The following CYFIP1 variants were observed in gnomAD, a reference collection of about 807,000 sequenced individuals.
CYFIP1 encodes the protein cytoplasmic FMR1 interacting protein 1.
Under a neutral mutation model 163.5 loss-of-function variants are expected in CYFIP1, and 58 were observed. The observed-to-expected ratio is 0.35, with a 90% CI of 0.29 to 0.44. CYFIP1 has a LOEUF of 0.44. CYFIP1 is among the 20% of genes least tolerant of loss of function. CYFIP1 has a pLI of 1.00. For missense variants in CYFIP1, 1,338 were observed against 1,653.8 expected (o/e 0.81, Z 3.31); for synonymous variants, 663 against 660.7 (o/e 1.00, Z -0.05).
intron 13 of CYFIP1, among the ~76,000 whole-genome samples, chr15:22,919,230 T>C (rs2061099140): frequency 1.3e-5 from 2 of 152,152 alleles, no homozygotes; most frequent in Non-Finnish European, 2.9e-5. Flanking sequence ...CCAAATCCCA[T>C]ATTGTTCACA....
At chr15:22,935,591 T>C (rs371011788) in intron 9 of CYFIP1, among the ~76,000 whole-genome samples, 9 of 152,152 alleles carry the variant, frequency 5.9e-5, no homozygotes, top group African/African-American at 1.4e-4. Flanking sequence ...GTTCAGCAAA[T>C]GACACCATCG....
intron 22 of CYFIP1, among the ~76,000 whole-genome samples, chr15:22,901,672 C>T (rs983723736): frequency 2.6e-5 from 4 of 152,250 alleles, no homozygotes; most frequent in African/African-American, 9.6e-5. Flanking sequence ...CCACACGTAG[C>T]TCACTAACCG....
chr15:22,901,767 G>C (rs1477440508), intron 22 of CYFIP1, among the ~76,000 whole-genome samples: 1 of 152,208 alleles, frequency 6.6e-6, no homozygotes, highest in Non-Finnish European at 1.5e-5. Flanking sequence ...AAAATTCCGG[G>C]TAGCATGGTT....
At position 22,867,519 on chromosome 15, in the gene CYFIP1, C is replaced by G. The variant is rs1396122423; in HGVS notation, c.*2509G>C. ...AGCCAGCACATCCTGCCTGCTGTTG[C>G]AGCCTGGCTGGGTTTATTCTTCAGT... On this transcript the variant is annotated 3_prime_UTR_variant, in exon 31 of 31. Transcript: ENST00000617928. 3.8e-6 allele frequency: 1 copy of G among 263,914 alleles called. No homozygotes were observed. Among genetic ancestry groups the G allele is most frequent in the South Asian group, 1.7e-4 (1 of 5,830 alleles). The allele number at this position is 263,914 out of a possible 1,614,324, so 16.3% of individuals were successfully genotyped here. A position where few individuals can be genotyped will look rare whatever the true frequency, so the allele number is the denominator to read the frequency against.
At chr15:22,928,223 A>C (rs1846959703) in intron 11 of CYFIP1, among the ~76,000 whole-genome samples, 195 bp from the exon 12 acceptor site, 1 of 152,094 alleles carries the variant, frequency 6.6e-6, no homozygotes, top group South Asian at 2.1e-4. Flanking sequence ...CTACTGAAAA[A>C]TACAAAAAAA....
chr15:22,955,664 C>T (rs2062422738), intron 1 of CYFIP1, among the ~76,000 whole-genome samples: 1 of 152,180 alleles, frequency 6.6e-6, no homozygotes, highest in South Asian at 2.1e-4. Context: ...AGAAAACGGG[C>T]AGATCCGCCC....
chr15:22,928,890 T>C (rs1292665299), intron 11 of CYFIP1, among the ~76,000 whole-genome samples: 6 of 151,520 alleles, frequency 4.0e-5, no homozygotes, highest in Admixed American at 3.9e-4. Flanking sequence ...GAGAGGACCC[T>C]GAGCAGCTCT....
chr15:22,909,917 T>C (rs1274712170), intron 20 of CYFIP1, among the ~76,000 whole-genome samples: 1 of 152,114 alleles, frequency 6.6e-6, no homozygotes, highest in Non-Finnish European at 1.5e-5. Context: ...GATGAGTGCT[T>C]CTCACCTTCA....
intron 28 of CYFIP1, 143 bp downstream of exon 28, chr15:22,874,407 A>C (rs1333257971): frequency 3.5e-6 from 2 of 573,544 alleles, no homozygotes; most frequent in African/African-American, 3.9e-5. Flanking sequence ...CCTGGTGCAC[A>C]CCCCACTTGC....
Position 22,878,196 on chromosome 15 carries a change from T to A in CYFIP1, c.3042+1717A>T, listed in dbSNP as rs114139973. Among the ~76,000 whole-genome samples the A allele has an allele frequency of 7.0e-3, 1,070 of 152,068 alleles. 12 individuals carry two copies. Among genetic ancestry groups the A allele is most frequent in the African/African-American group, 0.023 (973 of 41,464 alleles). Reference sequence around the variant, plus strand: ...TTCGCCAGGGTATGTGGTGAACCAATCCCCAAACAGGGCAGAGCAGAGAGC... The same window carrying A: ...TTCGCCAGGGTATGTGGTGAACCAAACCCCAAACAGGGCAGAGCAGAGAGC... On this transcript the variant is annotated intron_variant, in intron 26 of 30. Transcript: ENST00000617928.
At chr15:22,961,415 G>A (rs533905918) in intron 1 of CYFIP1, among the ~76,000 whole-genome samples, 40 of 152,182 alleles carry the variant, frequency 2.6e-4, no homozygotes, top group African/African-American at 9.4e-4. Flanking sequence ...GGGTCTCACT[G>A]TCAACCAGGC....
chr15:22,934,623 G>A (rs1457427241), intron 9 of CYFIP1, among the ~76,000 whole-genome samples: 4 of 147,858 alleles, frequency 2.7e-5, no homozygotes, highest in South Asian at 2.2e-4. Context: ...TCAGCCTCCC[G>A]AGGAGCTGGG....
intron 1 of CYFIP1, among the ~76,000 whole-genome samples, chr15:22,952,769 A>G (rs1009254272): frequency 6.6e-6 from 1 of 152,040 alleles, no homozygotes; most frequent in African/African-American, 2.4e-5. Context: ...AAAACATGGA[A>G]AAGGAAAAAG....
intron 25 of CYFIP1, among the ~76,000 whole-genome samples, chr15:22,881,310 G>A (rs1012408874): frequency 5.3e-5 from 8 of 152,310 alleles, no homozygotes; most frequent in Middle Eastern, 3.4e-3. Flanking sequence ...GTTTTGTTAC[G>A]TGACAAAGGT....
rs553311757 is a variant in CYFIP1, at chr15:22,969,088, T to C, written c.-7+11199A>G. The stretch of plus-strand genomic sequence containing the variant: ...TGAGCATCAAATTTTGGCTATGGAA[T>C]CAGGTTTCAAGATGAAACCCACTGC... On this transcript the variant is annotated intron_variant, in intron 1 of 30. Coordinates refer to ENST00000617928, the MANE Select transcript of CYFIP1 (RefSeq NM_014608.6). Among the ~76,000 whole-genome samples the C allele has an allele frequency of 2.7e-4, 41 of 152,244 alleles. No homozygotes were observed. The East Asian group carries it at 7.5e-3, about 28-fold the overall frequency.
intron 28 of CYFIP1, among the ~76,000 whole-genome samples, chr15:22,874,131 A>G (rs2059513384): frequency 3.3e-5 from 5 of 152,188 alleles, no homozygotes; most frequent in Non-Finnish European, 7.4e-5. Flanking sequence ...AGGGCGCCCC[A>G]GCCCCCACCA....
intron 13 of CYFIP1, among the ~76,000 whole-genome samples, chr15:22,921,091 C>T (rs759074703): frequency 7.9e-5 from 12 of 152,076 alleles, no homozygotes; most frequent in Non-Finnish European, 1.8e-4. Context: ...TAAAAGCACC[C>T]GGGCGCAGTG....
At chr15:22,905,524 A>T (rs1412841738) in intron 21 of CYFIP1, 2 of 151,060 alleles carry the variant, frequency 1.3e-5, no homozygotes, top group East Asian at 3.9e-4. Flanking sequence ...AGAGCCTCAA[A>T]AACTCCTGGG....
chr15:22,884,929 G>T (rs1355046708), intron 23 of CYFIP1, among the ~76,000 whole-genome samples: 1 of 148,496 alleles, frequency 6.7e-6, no homozygotes, highest in East Asian at 2.0e-4. Context: ...AAGCAGGGAT[G>T]CAGGGCACCA....
Sources: gnomAD v4.1 joint callset for allele counts (sites outside exome capture counted in the v4.1 genomes callset) on GRCh38, gnomAD v4.1.1 for gene constraint, MANE v1.5 for transcripts, NCBI Gene and HGNC (gene_info 2026-07-23, HGNC 2026-07-21) for gene names.